PTPRN2: variants seen among roughly 807,000 people sequenced by gnomAD.
PTPRN2 encodes receptor-type tyrosine-protein phosphatase N2.
PTPRN2 carries 74 observed loss-of-function variants against 118.8 expected under a neutral mutation model. The ratio of observed to expected loss-of-function variants is 0.62; its 90% confidence interval spans 0.52 to 0.76. The LOEUF (loss-of-function observed/expected upper bound fraction) is 0.76. Among genes scored for constraint, PTPRN2 ranks in the 30% least tolerant of loss-of-function variants. PTPRN2 has a pLI of 0.00. For missense variants in PTPRN2, 1,481 were observed against 1,394.4 expected (o/e 1.06, Z -0.99); for synonymous variants, 641 against 608.0 (o/e 1.05, Z -0.80).
chr7:158,405,297 G>A (rs1158273815), intron 2 of PTPRN2, among the ~76,000 whole-genome samples: 2 of 152,168 alleles, frequency 1.3e-5, no homozygotes, highest in Admixed American at 1.3e-4. Context: ...ACGAAGGTCA[G>A]GCATGGCCAC....
At chr7:158,530,549 G>T (rs1455283180) in intron 1 of PTPRN2, among the ~76,000 whole-genome samples, 4 of 152,186 alleles carry the variant, frequency 2.6e-5, no homozygotes, top group South Asian at 4.1e-4. Context: ...AGGCGGGGGG[G>T]GTTCCATGTG....
chr7:158,146,684 G>T (rs900411983), intron 6 of PTPRN2, among the ~76,000 whole-genome samples: 1 of 145,538 alleles, frequency 6.9e-6, no homozygotes. Flanking sequence ...TCGCGCCACT[G>T]CACTCCAGCC....
chr7:158,038,714 T>C, intron 11 of PTPRN2, among the ~76,000 whole-genome samples: 1 of 148,512 alleles, frequency 6.7e-6, no homozygotes, highest in Middle Eastern at 3.6e-3. Flanking sequence ...ATTTATATTA[T>C]ATAATATGTA....
chr7:158,329,193 C>T (rs1018655150), intron 2 of PTPRN2, among the ~76,000 whole-genome samples: 11 of 152,296 alleles, frequency 7.2e-5, no homozygotes, highest in African/African-American at 1.4e-4. Flanking sequence ...ACCGGCCAGG[C>T]GGGGCAGGGG....
At chr7:158,328,682 G>A (rs944996724) in intron 2 of PTPRN2, among the ~76,000 whole-genome samples, 3 of 152,018 alleles carry the variant, frequency 2.0e-5, no homozygotes, top group Non-Finnish European at 2.9e-5. Context: ...GGTATATCCA[G>A]GAGAGGCCAG....
intron 2 of PTPRN2, among the ~76,000 whole-genome samples, chr7:158,437,536 C>A (rs572101931): frequency 6.6e-6 from 1 of 152,100 alleles, no homozygotes; most frequent in African/African-American, 2.4e-5. Context: ...ACAGCCAGAT[C>A]GAGGGTAGAT....
chr7:158,136,750 G>T, intron 7 of PTPRN2, 55 bp from the exon 8 acceptor site: 12 of 1,564,696 alleles, frequency 7.7e-6, no homozygotes, highest in Non-Finnish European at 1.1e-5. Flanking sequence ...ATCACAGGGT[G>T]CCACAGACAT....
chr7:158,261,093 G>A (rs974875078), intron 3 of PTPRN2, among the ~76,000 whole-genome samples: 2 of 152,114 alleles, frequency 1.3e-5, no homozygotes, highest in African/African-American at 4.8e-5. Context: ...GTGAGGCTCC[G>A]ACTGGCTGAG....
At chr7:158,068,400 G>A (rs1810949997) in intron 11 of PTPRN2, among the ~76,000 whole-genome samples, 1 of 152,192 alleles carries the variant, frequency 6.6e-6, no homozygotes, top group Admixed American at 6.5e-5. Flanking sequence ...TGCAGTGGCT[G>A]GACTGCAGCT....
At chr7:157,773,738 T>G (rs1189104675) in intron 12 of PTPRN2, among the ~76,000 whole-genome samples, 5 of 152,218 alleles carry the variant, frequency 3.3e-5, no homozygotes, top group Non-Finnish European at 7.4e-5. Context: ...GGTGTCTTTG[T>G]TCCCGAACCT....
chr7:157,820,574 G>T (rs538358674), intron 12 of PTPRN2, among the ~76,000 whole-genome samples: 2 of 141,164 alleles, frequency 1.4e-5, no homozygotes, highest in East Asian at 4.3e-4. Flanking sequence ...ACTCATACAT[G>T]CACTCACAGC....
At chr7:158,204,671 G>T (rs996570635) in intron 4 of PTPRN2, among the ~76,000 whole-genome samples, 1 of 152,036 alleles carries the variant, frequency 6.6e-6, no homozygotes, top group Non-Finnish European at 1.5e-5. Context: ...GAATCGGTAT[G>T]ACATTAGTCC....
At position 158,565,611 on chromosome 7, in the gene PTPRN2, C is replaced by A. The variant is rs1410044035; in HGVS notation, c.112+21947G>T. Among the ~76,000 whole-genome samples, 4 of 152,178 alleles carry A rather than the reference C, an allele frequency of 2.6e-5. No individual in the cohort carries two copies. Among genetic ancestry groups the A allele is most frequent in the African/African-American group, 9.7e-5 (4 of 41,430 alleles). ...AACAACTGTCAAAGCACGGGAAAAT[C>A]CCCAGGAAGAAAGTAAGCAAAGGCA... On this transcript the variant is annotated intron_variant, in intron 1 of 22. Coordinates refer to ENST00000389418, the MANE Select transcript of PTPRN2 (RefSeq NM_002847.5). This position sits in a 1 kb window ranked among gnomAD's most constrained non-coding sequence, Gnocchi z 4.6.
rs912683127 is a variant in PTPRN2 at position 157,690,444 on chromosome 7, G to A, written c.1789-7507C>T. On this transcript the variant is annotated intron_variant, in intron 12 of 22. Coordinates refer to ENST00000389418, the MANE Select transcript of PTPRN2 (RefSeq NM_002847.5). This position sits in a 1 kb window ranked among gnomAD's most constrained non-coding sequence, Gnocchi z 7.1. ...CACCTACGCGCCTGGTGATGCTCTCGTGGGCCCTTCCTGCTCCCTCCGCCC... is the reference window on the plus strand; with the variant it reads ...CACCTACGCGCCTGGTGATGCTCTCATGGGCCCTTCCTGCTCCCTCCGCCC... 2.6e-5 allele frequency among the ~76,000 whole-genome samples: 4 copies of A among 152,082 alleles called. No individual in the cohort carries two copies. The South Asian group carries it at 8.3e-4, about 32-fold the overall frequency.
chr7:157,633,607 C>T (rs1804103294), intron 14 of PTPRN2, among the ~76,000 whole-genome samples: 1 of 152,168 alleles, frequency 6.6e-6, no homozygotes, highest in African/African-American at 2.4e-5. Flanking sequence ...TGAGGGGGCC[C>T]CTCTGAAGGG....
chr7:158,451,633 G>A lies in PTPRN2; in HGVS notation c.163+38102C>T, dbSNP rs556252115. Among the ~76,000 whole-genome samples, 122 of 152,148 alleles carry A rather than the reference G, an allele frequency of 8.0e-4. 2 individuals are homozygous for A. In the South Asian group the frequency reaches 0.022, roughly 27 times the overall value. On this transcript the variant is annotated intron_variant, in intron 2 of 22. Transcript: ENST00000389418. ...TGTGTCAGCCCATCTACCTAACTCC[G>A]TCTTGAAGATGAACCACAACTTGAA...
intron 3 of PTPRN2, among the ~76,000 whole-genome samples, chr7:158,283,113 G>A (rs909872643): frequency 2.6e-5 from 4 of 152,230 alleles, no homozygotes; most frequent in South Asian, 2.1e-4. Flanking sequence ...GAAAGGTAGC[G>A]CTGATGTCAG....
intron 14 of PTPRN2, 73 bp from the exon 15 acceptor site, chr7:157,621,582 G>A (rs1030848564): frequency 1.4e-4 from 214 of 1,579,480 alleles, no homozygotes; most frequent in South Asian, 1.0e-3. Flanking sequence ...AAAAGGCAGC[G>A]GAGGCCTTTG....
chr7:158,504,760 A>C (rs1321458241), intron 1 of PTPRN2, among the ~76,000 whole-genome samples: 3 of 152,216 alleles, frequency 2.0e-5, no homozygotes, highest in African/African-American at 4.8e-5. Context: ...CTACACATGC[A>C]CATCATCTAG....
Sources: allele counts gnomAD v4.1 joint callset (sites outside exome capture counted in the v4.1 genomes callset), GRCh38; gene constraint gnomAD v4.1.1; non-coding constraint Gnocchi (gnomAD v3.1); transcripts MANE v1.5; gene names NCBI Gene and HGNC (gene_info 2026-07-23, HGNC 2026-07-21).